The following ILKAP variants were observed in gnomAD, a reference collection of about 807,000 sequenced individuals.
The protein encoded by ILKAP is integrin-linked kinase-associated serine/threonine phosphatase 2C.
A neutral mutation model predicts 49.1 loss-of-function variants in ILKAP; 11 were observed. The observed-to-expected ratio is 0.22, with a 90% CI of 0.14 to 0.37. ILKAP has a LOEUF of 0.37. ILKAP is among the 10% of genes least tolerant of loss of function. ILKAP has a pLI of 1.00. For synonymous variants in ILKAP, 186 were observed against 192.8 expected, an observed-to-expected ratio of 0.96 and a Z score of 0.29; for missense variants, 363 against 510.8, an observed-to-expected ratio of 0.71 and a Z score of 2.79.
At chr2:238,183,944 A>G in intron 7 of ILKAP, 76 bp downstream of exon 7, 1 of 1,055,870 alleles carries the variant, frequency 9.5e-7, no homozygotes, top group Non-Finnish European at 1.5e-6. Flanking sequence ...GTGTTAAACC[A>G]CATCAGAAGA....
intron 3 of ILKAP, among the ~76,000 whole-genome samples, chr2:238,192,306 G>A (rs543473469): frequency 6.6e-6 from 1 of 152,292 alleles, no homozygotes; most frequent in East Asian, 1.9e-4. Flanking sequence ...AAATTACACT[G>A]TAGTCTGAGA....
chr2:238,171,051 G>T (rs543927652), intron 10 of ILKAP, 27 bp from the exon 11 acceptor site: 4 of 1,564,906 alleles, frequency 2.6e-6, no homozygotes, highest in Non-Finnish European at 2.6e-6. Flanking sequence ...AAATATAAAC[G>T]GGTTTTAGGC....
intron 3 of ILKAP, among the ~76,000 whole-genome samples, chr2:238,193,118 A>AT (rs1188143584): frequency 6.6e-6 from 1 of 152,238 alleles, no homozygotes; most frequent in African/African-American, 2.4e-5. Flanking sequence ...AATCTTCTAA[A>AT]TTTTTTACTA....
intron 3 of ILKAP, among the ~76,000 whole-genome samples, chr2:238,192,459 G>A (rs1694172217): frequency 6.6e-6 from 1 of 151,998 alleles, no homozygotes; most frequent in African/African-American, 2.4e-5. Flanking sequence ...CAGCACTTTG[G>A]GAGGCCGAGG....
Position 238,183,699 on chromosome 2 carries a change from A to AG in ILKAP, c.667dup (p.Leu223ProfsTer15). The stretch of plus-strand genomic sequence containing the variant: ...AATATAAAGAATGTTGTCTACAGCC[A>AG]GAACACACGTGGCAGTGGACCCATC... On this transcript the variant is annotated frameshift_variant, in exon 8 of 12. Transcript: ENST00000254654. LOFTEE classifies it high-confidence loss of function. 6.2e-7 allele frequency: 1 copy of AG among 1,613,532 alleles called. No homozygotes were observed. The highest frequency in any genetic ancestry group is 8.5e-7 in the Non-Finnish European group (1 of 1,179,882).
chr2:238,192,621 A>T (rs1243158088), intron 3 of ILKAP, among the ~76,000 whole-genome samples: 5 of 148,444 alleles, frequency 3.4e-5, no homozygotes, highest in Admixed American at 1.3e-4. Context: ...AATGGCATGA[A>T]CCTGGGAGGC....
At chr2:238,191,221 T>A (rs1365004432) in intron 3 of ILKAP, among the ~76,000 whole-genome samples, 1 of 151,688 alleles carries the variant, frequency 6.6e-6, no homozygotes, top group African/African-American at 2.4e-5. Flanking sequence ...CAACGTCAGC[T>A]CACTACAACC....
At chr2:238,194,190 G>A (rs1212520542) in intron 3 of ILKAP, 85 bp downstream of exon 3, 23 of 1,215,344 alleles carry the variant, frequency 1.9e-5, no homozygotes, top group South Asian at 5.1e-5. Context: ...CCAAAATCCC[G>A]TTAAAACCTA....
intron 8 of ILKAP, among the ~76,000 whole-genome samples, chr2:238,182,580 T>TTGTGCATGCTGGCCGAGTGCCAGGTAGGC (rs1370957365): frequency 5.3e-5 from 8 of 152,176 alleles, no homozygotes. Flanking sequence ...AGGGCAAGCG[T>TTGTGCATGCTGGCCGAGTGCCAGGTAGGC]TGTGCATGCT....
intron 10 of ILKAP, 137 bp from the exon 11 acceptor site, chr2:238,171,161 T>TTA: frequency 6.1e-6 from 1 of 163,828 alleles, no homozygotes; most frequent in Non-Finnish European, 1.2e-5. Flanking sequence ...TTCTTTTTTC[T>TTA]TTTTTTTTTT....
chr2:238,194,465 A>C, intron 2 of ILKAP, 134 bp from the exon 3 acceptor site: 1 of 713,986 alleles, frequency 1.4e-6, no homozygotes, highest in Non-Finnish European at 2.5e-6. Context: ...GTGGCAACTC[A>C]TACTGCAATG....
intron 9 of ILKAP, among the ~76,000 whole-genome samples, chr2:238,178,296 C>T (rs755723833): frequency 2.3e-4 from 35 of 152,356 alleles, no homozygotes; most frequent in Middle Eastern, 3.4e-3. Context: ...ACCCTTCTGT[C>T]TCAGCCACCC....
chr2:238,203,220 A>G (rs576622169), intron 1 of ILKAP, among the ~76,000 whole-genome samples: 1 of 150,652 alleles, frequency 6.6e-6, no homozygotes, highest in South Asian at 2.1e-4. Context: ...GGCGCCTTTC[A>G]CCGCCACGCA....
At chr2:238,184,172 C>A in intron 6 of ILKAP, 59 bp from the exon 7 acceptor site, 1 of 945,394 alleles carries the variant, frequency 1.1e-6, no homozygotes, top group Non-Finnish European at 1.7e-6. Flanking sequence ...ATCCTCCTCC[C>A]ACTGTCATTT....
rs929627122 is a variant in ILKAP at position 238,172,717 on chromosome 2, A to G, written c.956+817T>C. Among the ~76,000 whole-genome samples, 11 of 152,228 alleles carry G rather than the reference A, an allele frequency of 7.2e-5. 1 individual carries two copies. The South Asian group carries it at 1.4e-3, about 20-fold the overall frequency. On this transcript the variant is annotated intron_variant, in intron 10 of 11. Transcript: ENST00000254654. ...AAGGCACGCGCTCTTCATCCGCAGC[A>G]CTGGGGCGGGACTCAGAGCAGCACT...
intron 1 of ILKAP, among the ~76,000 whole-genome samples, chr2:238,201,623 C>A (rs1461340759): frequency 1.3e-5 from 2 of 152,202 alleles, no homozygotes; most frequent in African/African-American, 2.4e-5. Context: ...AAGGTGCCAA[C>A]CTATGAGATT....
intron 1 of ILKAP, among the ~76,000 whole-genome samples, chr2:238,197,695 A>G (rs999026231): frequency 1.3e-5 from 2 of 152,174 alleles, no homozygotes; most frequent in African/African-American, 4.8e-5. Context: ...CCCCATCCCC[A>G]GAGAACTGCC....
intron 9 of ILKAP, among the ~76,000 whole-genome samples, chr2:238,177,610 T>A (rs1693516440): frequency 6.6e-6 from 1 of 152,236 alleles, no homozygotes; most frequent in African/African-American, 2.4e-5. Flanking sequence ...TTACTTAGCA[T>A]AAAGTCCTCA....
chr2:238,173,736 G>T, intron 9 of ILKAP, 83 bp from the exon 10 acceptor site: 1 of 1,434,662 alleles, frequency 7.0e-7, no homozygotes. Flanking sequence ...TAAAAGCAGA[G>T]AATGGAAGTG....
Sources: gnomAD v4.1 joint callset for allele counts (sites outside exome capture counted in the v4.1 genomes callset) on GRCh38, gnomAD v4.1.1 for gene constraint, MANE v1.5 for transcripts, NCBI Gene and HGNC (gene_info 2026-07-23, HGNC 2026-07-21) for gene names.